The following OR7E24 variants were observed in gnomAD, a reference collection of about 807,000 sequenced individuals.
OR7E24 encodes the protein olfactory receptor 7E24.
For synonymous variants in OR7E24, 130 were observed against 157.5 expected, an observed-to-expected ratio of 0.83 and a Z score of 1.31; for missense variants, 385 against 410.3, an observed-to-expected ratio of 0.94 and a Z score of 0.53.
At chr19:9,235,064 T>C in the OR7E24 span, 3 of 589,728 alleles carry the variant, frequency 5.1e-6, no homozygotes, top group South Asian at 4.4e-5. Flanking sequence ...AAGGACTCCA[T>C]AGAAGTTGCA....
chr19:9,209,917 T>C, the OR7E24 span: 58 of 152,306 alleles, frequency 3.8e-4, no homozygotes, highest in African/African-American at 1.4e-3. Context: ...TCTCCCAAAG[T>C]GCTGGGATTA....
the OR7E24 span, among the ~76,000 whole-genome samples, chr19:9,231,536 C>T: frequency 9.7e-4 from 147 of 152,202 alleles, no homozygotes; most frequent in South Asian, 8.3e-3. Flanking sequence ...GCCGAGATTG[C>T]GCCACTGCGC....
At chr19:9,236,130 A>G in the OR7E24 span, 1 of 939,308 alleles carries the variant, frequency 1.1e-6, no homozygotes, top group East Asian at 2.4e-5. Context: ...CCCTTAAGCA[A>G]ATGTGAATGC....
upstream of OR7E24, chr19:9,250,849 T>G (rs897322189): frequency 4.7e-5 from 24 of 510,420 alleles, no homozygotes; most frequent in Admixed American, 7.1e-5. Flanking sequence ...CTAACATTCT[T>G]CAATAGACTG....
chr19:9,234,161 C>A, the OR7E24 span, among the ~76,000 whole-genome samples: 3 of 152,174 alleles, frequency 2.0e-5, no homozygotes, highest in African/African-American at 7.2e-5. Context: ...CTCGGCCTCC[C>A]AAGGTGGTGG....
the OR7E24 span, among the ~76,000 whole-genome samples, chr19:9,216,053 C>A: frequency 6.6e-6 from 1 of 152,052 alleles, no homozygotes; most frequent in African/African-American, 2.4e-5. Context: ...AAGGAAACTC[C>A]CCCTTATAGA....
chr19:9,245,037 C>T (rs1292697874), upstream of OR7E24, among the ~76,000 whole-genome samples: 1 of 150,398 alleles, frequency 6.6e-6, no homozygotes, highest in East Asian at 1.9e-4. Context: ...AACTCCGTTT[C>T]TAGTAAAAAT....
chr19:9,223,969 G>A, the OR7E24 span, among the ~76,000 whole-genome samples: 7 of 151,710 alleles, frequency 4.6e-5, no homozygotes, highest in Non-Finnish European at 1.0e-4. Context: ...TCGTGCCTCC[G>A]CCTCCCGATT....
At chr19:9,245,604 T>C (rs1381957005), upstream of OR7E24, among the ~76,000 whole-genome samples, 7 of 152,188 alleles carry the variant, frequency 4.6e-5, no homozygotes, top group South Asian at 8.3e-4. Context: ...TGTATAACCA[T>C]GTGTGGAGGA....
chr19:9,227,854 T>C, the OR7E24 span, among the ~76,000 whole-genome samples: 5 of 147,186 alleles, frequency 3.4e-5, no homozygotes, highest in East Asian at 2.1e-4. Context: ...CCCGGGTTCA[T>C]GCCATTCTCC....
chr19:9,225,059 C>T, the OR7E24 span, among the ~76,000 whole-genome samples: 2 of 152,128 alleles, frequency 1.3e-5, no homozygotes, highest in African/African-American at 4.8e-5. Context: ...ACCTGAATCA[C>T]CCAACAACAG....
At chr19:9,231,632 G>A in the OR7E24 span, among the ~76,000 whole-genome samples, 1 of 152,114 alleles carries the variant, frequency 6.6e-6, no homozygotes, top group Admixed American at 6.5e-5. Flanking sequence ...CATGTCCTGA[G>A]AGTCTCTGCA....
the OR7E24 span, chr19:9,207,097 C>T: frequency 5.3e-5 from 8 of 152,300 alleles, no homozygotes; most frequent in African/African-American, 1.2e-4. Flanking sequence ...ATTCATTATC[C>T]TTCAGCAATA....
chr19:9,230,568 T>C, the OR7E24 span, among the ~76,000 whole-genome samples: 28 of 152,326 alleles, frequency 1.8e-4, no homozygotes, highest in South Asian at 5.8e-3. Context: ...CAATCACCTC[T>C]TCCTGAATGA....
chr19:9,234,432 TACTG>T, the OR7E24 span, among the ~76,000 whole-genome samples: 13 of 152,322 alleles, frequency 8.5e-5, no homozygotes, highest in Admixed American at 2.0e-4. Flanking sequence ...CACAAAGTGA[TACTG>T]ACAATCATAT....
At chr19:9,236,372 T>C in the OR7E24 span, among the ~76,000 whole-genome samples, 1 of 151,838 alleles carries the variant, frequency 6.6e-6, no homozygotes, top group Non-Finnish European at 1.5e-5. Flanking sequence ...TAGCTGGGCG[T>C]GGTGGCACAC....
At chr19:9,212,494 T>C in the OR7E24 span, 1 of 152,144 alleles carries the variant, frequency 6.6e-6, no homozygotes, top group Non-Finnish European at 1.5e-5. Context: ...CTTTATGATA[T>C]AGAATACAAT....
At chr19:9,242,009 C>T in the OR7E24 span, among the ~76,000 whole-genome samples, 1 of 152,174 alleles carries the variant, frequency 6.6e-6, no homozygotes, top group Non-Finnish European at 1.5e-5. Context: ...TGAGAGTTCT[C>T]ACGTGTTGTT....
upstream of OR7E24, among the ~76,000 whole-genome samples, chr19:9,246,060 CTTTTTTTTTTTTTTT>C (rs58590446): frequency 2.1e-4 from 8 of 38,942 alleles, no homozygotes; most frequent in East Asian, 6.9e-3. Flanking sequence ...TATCAATGTG[CTTTTTTTTTTTTTTT>C]TTTTTTTTTT....
Sources: allele counts gnomAD v4.1 joint callset (sites outside exome capture counted in the v4.1 genomes callset), GRCh38; gene constraint gnomAD v4.1.1; transcripts MANE v1.5; gene names NCBI Gene and HGNC (gene_info 2026-07-23, HGNC 2026-07-21).